MAGI2: variants seen among roughly 807,000 people sequenced by gnomAD.
MAGI2 encodes membrane associated guanylate kinase, WW and PDZ domain containing 2, also known as membrane-associated guanylate kinase, WW and PDZ domain-containing protein 2.
In MAGI2, 35 loss-of-function variants were observed where a neutral mutation model predicts 133.3. That is an observed-to-expected ratio of 0.26 (90% CI 0.20 to 0.35). The LOEUF (loss-of-function observed/expected upper bound fraction) is 0.35, where lower values mean the gene tolerates loss of function less well. MAGI2 is among the 10% of genes least tolerant of loss of function. MAGI2 has a pLI of 1.00. For missense variants in MAGI2, 1,636 were observed against 1,863.4 expected, an observed-to-expected ratio of 0.88 and a Z score of 2.25; for synonymous variants, 729 against 710.6, an observed-to-expected ratio of 1.03 and a Z score of -0.41.
chr7:79,017,468 C>T (rs1808853698), intron 1 of MAGI2, among the ~76,000 whole-genome samples: 1 of 152,208 alleles, frequency 6.6e-6, no homozygotes, highest in African/African-American at 2.4e-5. Context: ...GAAGCAACAT[C>T]AGCCCACGAA....
intron 1 of MAGI2, among the ~76,000 whole-genome samples, chr7:79,364,702 C>T (rs533059141): frequency 1.3e-5 from 2 of 151,814 alleles, no homozygotes; most frequent in South Asian, 4.2e-4. Flanking sequence ...GAAGAATAAC[C>T]CTTAAGTAAA....
intron 20 of MAGI2, among the ~76,000 whole-genome samples, chr7:78,096,032 T>G (rs1200847645): frequency 6.6e-6 from 1 of 152,222 alleles, no homozygotes; most frequent in African/African-American, 2.4e-5. Flanking sequence ...TTAGCCAAAT[T>G]GTAAAAAGGG....
At chr7:79,369,710 G>T (rs539108891) in intron 1 of MAGI2, among the ~76,000 whole-genome samples, 1 of 152,170 alleles carries the variant, frequency 6.6e-6, no homozygotes, top group South Asian at 2.1e-4. Flanking sequence ...TGTAGAATAT[G>T]TAATGTACAT....
intron 1 of MAGI2, among the ~76,000 whole-genome samples, chr7:79,179,022 C>T (rs982526737): frequency 6.1e-4 from 93 of 151,844 alleles, no homozygotes; most frequent in Non-Finnish European, 5.2e-4. Flanking sequence ...GTGCTAGGTA[C>T]GATTTTTGTC....
intron 2 of MAGI2, among the ~76,000 whole-genome samples, chr7:78,752,369 G>A (rs759956591): frequency 2.0e-5 from 3 of 152,166 alleles, no homozygotes; most frequent in Non-Finnish European, 4.4e-5. Context: ...TTGGGAGGCC[G>A]AGGTAGGTGG....
chr7:78,398,409 G>A (rs1003528214), intron 6 of MAGI2, among the ~76,000 whole-genome samples: 10 of 151,900 alleles, frequency 6.6e-5, no homozygotes, highest in East Asian at 3.9e-4. Context: ...CGAGTCTACC[G>A]TCTCTTATTG....
At chr7:79,324,655 T>A (rs1423925810) in intron 1 of MAGI2, among the ~76,000 whole-genome samples, 1 of 572 alleles carries the variant, frequency 1.7e-3, no homozygotes, top group African/African-American at 2.7e-3. Context: ...TATATATATA[T>A]TATATATATA....
intron 2 of MAGI2, among the ~76,000 whole-genome samples, chr7:78,819,496 T>A (rs1473565849): frequency 6.6e-6 from 1 of 152,096 alleles, no homozygotes; most frequent in African/African-American, 2.4e-5. Context: ...ATTTTTAAAC[T>A]ATTGGGATTT....
intron 1 of MAGI2, among the ~76,000 whole-genome samples, chr7:79,198,599 T>C (rs917870179): frequency 6.6e-6 from 1 of 151,902 alleles, no homozygotes; most frequent in South Asian, 2.1e-4. Context: ...GAATAAAAAG[T>C]AAGAGGTAGG....
intron 7 of MAGI2, among the ~76,000 whole-genome samples, chr7:78,363,613 T>C (rs1408777977): frequency 1.3e-5 from 2 of 151,912 alleles, no homozygotes; most frequent in African/African-American, 2.4e-5. Context: ...TCAAAGTTTC[T>C]CTTAGAATTG....
chr7:78,913,056 T>C (rs1206082921), intron 2 of MAGI2, among the ~76,000 whole-genome samples: 1 of 151,968 alleles, frequency 6.6e-6, no homozygotes, highest in African/African-American at 2.4e-5. Context: ...AGAAGCAATG[T>C]AGTGACTTGA....
At chr7:79,452,782 AG>A in intron 1 of MAGI2, 1 of 505,136 alleles carries the variant, frequency 2.0e-6, no homozygotes, top group Admixed American at 3.8e-5. Context: ...CACCTTCCAA[AG>A]GGGAGGGTCT....
intron 2 of MAGI2, among the ~76,000 whole-genome samples, chr7:78,731,989 T>C (rs1375789141): frequency 3.3e-5 from 5 of 152,004 alleles, no homozygotes; most frequent in African/African-American, 1.2e-4. Flanking sequence ...GAAGGAAGAA[T>C]AGATATTTTG....
chr7:78,174,021 C>T (rs1004666015), intron 14 of MAGI2, among the ~76,000 whole-genome samples: 10 of 152,154 alleles, frequency 6.6e-5, no homozygotes, highest in East Asian at 3.8e-4. Context: ...GCCGCCAGGA[C>T]GCTATCTCTG....
intron 3 of MAGI2, among the ~76,000 whole-genome samples, chr7:78,578,033 C>CA (rs557622518): frequency 0.12 from 14,621 of 121,760 alleles, 860 homozygotes; most frequent in African/African-American, 0.19. Flanking sequence ...TGAAAAAGAC[C>CA]AAAAAAAAAA....
intron 3 of MAGI2, among the ~76,000 whole-genome samples, chr7:78,548,542 A>G (rs1331851871): frequency 6.6e-6 from 1 of 152,068 alleles, no homozygotes; most frequent in Admixed American, 6.6e-5. Flanking sequence ...TAAAAATACA[A>G]AAATTGGCCG....
At chr7:78,929,635 C>T (rs1426642914) in intron 2 of MAGI2, among the ~76,000 whole-genome samples, 1 of 152,040 alleles carries the variant, frequency 6.6e-6, no homozygotes, top group Non-Finnish European at 1.5e-5. Context: ...CTGCTTCCAT[C>T]ATCACGTAGG....
chr7:78,639,525 G>A (rs1314682820), intron 2 of MAGI2, among the ~76,000 whole-genome samples: 1 of 152,086 alleles, frequency 6.6e-6, no homozygotes, highest in African/African-American at 2.4e-5. Context: ...TTTATCTTAT[G>A]TTCACGATAC....
At chr7:78,496,670 T>A (rs1003078860) in intron 5 of MAGI2, among the ~76,000 whole-genome samples, 1 of 152,174 alleles carries the variant, frequency 6.6e-6, no homozygotes, top group Non-Finnish European at 1.5e-5. Flanking sequence ...CTCTGTGACC[T>A]TGGGAATGTT....
Sources: allele counts gnomAD v4.1 joint callset (sites outside exome capture counted in the v4.1 genomes callset), GRCh38; gene constraint gnomAD v4.1.1; transcripts MANE v1.5; gene names NCBI Gene and HGNC (gene_info 2026-07-23, HGNC 2026-07-21).